The following LRFN5 variants were observed in gnomAD, a reference collection of about 807,000 sequenced individuals.
LRFN5 encodes the protein leucine-rich repeat and fibronectin type-III domain-containing protein 5.
Under a neutral mutation model 45.6 loss-of-function variants are expected in LRFN5, and 24 were observed. That is an observed-to-expected ratio of 0.53 (90% CI 0.38 to 0.74). LRFN5 has a LOEUF of 0.74. Among genes scored for constraint, LRFN5 ranks in the 30% least tolerant of loss-of-function variants. LRFN5 has a pLI of 0.00. For missense variants in LRFN5, 776 were observed against 861.5 expected (o/e 0.90, Z 1.24); for synonymous variants, 340 against 313.8 (o/e 1.08, Z -0.88).
chr14:41,808,391 GA>G (rs1461302819), intron 2 of LRFN5, among the ~76,000 whole-genome samples: 4 of 64,436 alleles, frequency 6.2e-5, no homozygotes, highest in Non-Finnish European at 1.2e-4. Context: ...AGGAAGGAAG[GA>G]AAGGAAGAAA....
chr14:41,880,146 C>G (rs976418848), intron 2 of LRFN5, among the ~76,000 whole-genome samples: 3 of 151,736 alleles, frequency 2.0e-5, no homozygotes, highest in East Asian at 1.9e-4. Flanking sequence ...CCAGGATGGT[C>G]TCGATCTCCT....
chr14:41,737,436 C>T (rs1471097379), intron 1 of LRFN5, among the ~76,000 whole-genome samples: 4 of 152,008 alleles, frequency 2.6e-5, no homozygotes, highest in African/African-American at 4.8e-5. Context: ...CTTTGAAAAC[C>T]GGCACAAGAC....
At chr14:41,893,897 T>C in intron 4 of LRFN5, 3 of 985,320 alleles carry the variant, frequency 3.0e-6, no homozygotes, top group Non-Finnish European at 3.6e-6. Flanking sequence ...GTGTAAGGAA[T>C]AGATGAGGTC....
At chr14:41,617,002 A>G (rs914821834) in intron 1 of LRFN5, among the ~76,000 whole-genome samples, 1 of 152,048 alleles carries the variant, frequency 6.6e-6, no homozygotes, top group Admixed American at 6.5e-5. Flanking sequence ...CTTTCTTTTT[A>G]AACTTCCTGA....
At chr14:41,819,751 A>G (rs1182507378) in intron 2 of LRFN5, among the ~76,000 whole-genome samples, 10 of 152,074 alleles carry the variant, frequency 6.6e-5, no homozygotes, top group Admixed American at 6.6e-4. Context: ...GCCAAGAACG[A>G]TGGTGTTAAA....
intron 2 of LRFN5, among the ~76,000 whole-genome samples, chr14:41,788,872 G>A (rs561223484): frequency 3.3e-5 from 5 of 152,034 alleles, no homozygotes; most frequent in South Asian, 2.1e-4. Context: ...TAATATACAC[G>A]TTAATATACT....
At position 41,780,635 on chromosome 14, in the gene LRFN5, T is replaced by G. The variant is rs533495914; in HGVS notation, c.-21+13606T>G. On this transcript the variant is annotated intron_variant, in intron 2 of 5. Transcript: ENST00000298119. ...TTTTTTGTAAATCAAATCTGAAAAT[T>G]TATGTATTTTATTTGAAGAATTTAG... 3.3e-5 allele frequency among the ~76,000 whole-genome samples: 5 copies of G among 152,208 alleles called. No homozygotes were observed. In the South Asian group the frequency reaches 1.0e-3, roughly 32 times the overall value.
intron 2 of LRFN5, among the ~76,000 whole-genome samples, chr14:41,786,655 T>A (rs1003107318): frequency 1.9e-4 from 29 of 151,914 alleles, no homozygotes; most frequent in Admixed American, 7.2e-4. Context: ...GATTTTTTTT[T>A]AATTATTTTT....
At chr14:41,855,922 T>C (rs1889436431) in intron 2 of LRFN5, among the ~76,000 whole-genome samples, 1 of 152,196 alleles carries the variant, frequency 6.6e-6, no homozygotes, top group Non-Finnish European at 1.5e-5. Context: ...TAGAGACCTT[T>C]TAAATACAAC....
intron 2 of LRFN5, among the ~76,000 whole-genome samples, chr14:41,844,790 A>G (rs1331474845): frequency 1.3e-5 from 2 of 152,206 alleles, no homozygotes; most frequent in African/African-American, 4.8e-5. Flanking sequence ...AGAAAATTCA[A>G]GCCAGAACAA....
intron 2 of LRFN5, among the ~76,000 whole-genome samples, chr14:41,790,885 C>T (rs1389309153): frequency 2.0e-5 from 3 of 151,672 alleles, no homozygotes; most frequent in African/African-American, 7.2e-5. Context: ...AATTGTTGGG[C>T]ATTATGCACT....
At chr14:41,788,616 A>C (rs74045424) in intron 2 of LRFN5, among the ~76,000 whole-genome samples, 2,171 of 152,206 alleles carry the variant, frequency 0.014, 46 homozygotes, top group African/African-American at 0.049. Flanking sequence ...ACTGAAGACA[A>C]CTATAAACAA....
At chr14:41,650,896 A>G (rs12434941) in intron 1 of LRFN5, among the ~76,000 whole-genome samples, 35 of 80,902 alleles carry the variant, frequency 4.3e-4, no homozygotes, top group East Asian at 6.8e-4. Flanking sequence ...AGAGAGAGAG[A>G]GAGGGAGGGA....
At chr14:41,758,739 A>G (rs1179821603) in intron 1 of LRFN5, among the ~76,000 whole-genome samples, 1 of 152,154 alleles carries the variant, frequency 6.6e-6, no homozygotes, top group African/African-American at 2.4e-5. Context: ...ACTGTTTATA[A>G]TCTGACCTTA....
At chr14:41,827,513 A>G (rs773151056) in intron 2 of LRFN5, among the ~76,000 whole-genome samples, 3 of 152,028 alleles carry the variant, frequency 2.0e-5, no homozygotes, top group Admixed American at 6.6e-5. Flanking sequence ...TACACTGAAA[A>G]ATAATCGAGG....
intron 1 of LRFN5, among the ~76,000 whole-genome samples, chr14:41,714,270 C>T (rs1336192147): frequency 6.6e-6 from 1 of 152,120 alleles, no homozygotes; most frequent in Non-Finnish European, 1.5e-5. Context: ...ACTTCTTTCT[C>T]TTTCTCTTGG....
intron 1 of LRFN5, among the ~76,000 whole-genome samples, chr14:41,630,276 A>G (rs1888488330): frequency 6.6e-6 from 1 of 152,162 alleles, no homozygotes; most frequent in Admixed American, 6.6e-5. Context: ...ATTCCTCTGG[A>G]TTAAATCACT....
chr14:41,802,688 A>G (rs1232093937), intron 2 of LRFN5, among the ~76,000 whole-genome samples: 1 of 152,178 alleles, frequency 6.6e-6, no homozygotes, highest in East Asian at 1.9e-4. Flanking sequence ...CTTCCAGTTA[A>G]GTAAATTTTA....
At chr14:41,737,526 A>C (rs1348089281) in intron 1 of LRFN5, among the ~76,000 whole-genome samples, 2 of 152,166 alleles carry the variant, frequency 1.3e-5, no homozygotes, top group South Asian at 2.1e-4. Flanking sequence ...AGAAAGAAAT[A>C]AAGGGTATTC....
Sources: gnomAD v4.1 joint callset for allele counts (sites outside exome capture counted in the v4.1 genomes callset) on GRCh38, gnomAD v4.1.1 for gene constraint, MANE v1.5 for transcripts, NCBI Gene and HGNC (gene_info 2026-07-23, HGNC 2026-07-21) for gene names.